The following BCAS1 variants were observed in gnomAD, a reference collection of about 807,000 sequenced individuals.
BCAS1 encodes brain enriched myelin associated protein 1.
Under a neutral mutation model 65.4 loss-of-function variants are expected in BCAS1, and 46 were observed. That is an observed-to-expected ratio of 0.70 (90% CI 0.55 to 0.90). The LOEUF (loss-of-function observed/expected upper bound fraction) is 0.90, where lower values mean the gene tolerates loss of function less well. Among genes scored for constraint, BCAS1 ranks in the 40% least tolerant of loss-of-function variants. The probability of loss-of-function intolerance (pLI) is 0.00; values close to 1 mark genes in which losing one functional copy is unlikely to be tolerated. For missense variants in BCAS1, 793 were observed against 771.2 expected (o/e 1.03, Z -0.33); for synonymous variants, 298 against 293.5 (o/e 1.02, Z -0.16).
chr20:54,024,148 G>T (rs759659699), intron 4 of BCAS1, among the ~76,000 whole-genome samples: 55 of 152,292 alleles, frequency 3.6e-4, no homozygotes, highest in Non-Finnish European at 6.3e-4. Flanking sequence ...GAAGTAGCTT[G>T]CCCAAGATCA....
chr20:54,028,702 C>G lies in BCAS1; in HGVS notation c.413G>C (p.Trp138Ser). Residue 138 changes from tryptophan to serine, a missense_variant, in exon 4 of 13, where the codon TGG becomes TCG. Physicochemically the swap from Trp to Ser is radical, Grantham distance 177. Transcript: ENST00000688948. ...CGGTCCAGCTGCCACCGGAAGTGTC[C>G]AGCTCTCACTTGGGTCTTTGTTCGC... is the stretch of plus-strand genomic sequence containing the variant. ...APANKDPSES[W>S]TLPVAAGPGQ... is the part of the protein sequence containing the mutation. 1 of 1,614,178 alleles carries G rather than the reference C, an allele frequency of 6.2e-7. No homozygotes were observed.
At chr20:53,977,620 A>T (rs2090367586) in intron 8 of BCAS1, among the ~76,000 whole-genome samples, 1 of 152,226 alleles carries the variant, frequency 6.6e-6, no homozygotes, top group Non-Finnish European at 1.5e-5. Context: ...CTTGGAGTAG[A>T]TTCCATCACC....
chr20:54,031,090 C>A lies in BCAS1; in HGVS notation c.143-2118G>T, dbSNP rs1007966644. ...AGGGCTTTTCAAAATGCCAAGAGCACCAACTTATATCTTTCAGTTTAATTC... is the reference window on the plus strand; with the variant it reads ...AGGGCTTTTCAAAATGCCAAGAGCAACAACTTATATCTTTCAGTTTAATTC... On this transcript the variant is annotated intron_variant, in intron 3 of 12. Coordinates refer to ENST00000688948, the MANE Select transcript of BCAS1 (RefSeq NM_001366298.2). Among the ~76,000 whole-genome samples the A allele has an allele frequency of 4.0e-5, 6 of 151,324 alleles. 1 individual carries two copies. The highest frequency in any genetic ancestry group is 7.4e-5 in the Non-Finnish European group (5 of 67,600).
At chr20:54,062,604 C>G (rs926078043) in intron 1 of BCAS1, among the ~76,000 whole-genome samples, 15 of 152,190 alleles carry the variant, frequency 9.9e-5, no homozygotes, top group Non-Finnish European at 1.6e-4. Flanking sequence ...AACAAAGCTA[C>G]TTTGAATCAA....
At chr20:53,967,895 G>A (rs1388629209) in intron 9 of BCAS1, among the ~76,000 whole-genome samples, 3 of 152,246 alleles carry the variant, frequency 2.0e-5, no homozygotes, top group African/African-American at 4.8e-5. Context: ...ACAGGACAGA[G>A]TGAATTGGCC....
chr20:54,019,646 T>C (rs1037614172), intron 4 of BCAS1, among the ~76,000 whole-genome samples: 1 of 152,104 alleles, frequency 6.6e-6, no homozygotes, highest in Non-Finnish European at 1.5e-5. Context: ...TCAATGTGGG[T>C]GGGCACCTTC....
chr20:53,987,805 G>C (rs1406935955), intron 7 of BCAS1, among the ~76,000 whole-genome samples: 1 of 152,162 alleles, frequency 6.6e-6, no homozygotes, highest in South Asian at 2.1e-4. Flanking sequence ...GGATGGTTGT[G>C]CTTTGATCTG....
intron 12 of BCAS1, among the ~76,000 whole-genome samples, chr20:53,949,574 G>A (rs1386790568): frequency 6.6e-6 from 1 of 152,212 alleles, no homozygotes; most frequent in Non-Finnish European, 1.5e-5. Flanking sequence ...AGGCAACCCT[G>A]GGGAATGTGT....
chr20:53,950,176 C>T (rs1296912213), intron 12 of BCAS1, among the ~76,000 whole-genome samples: 1 of 152,082 alleles, frequency 6.6e-6, no homozygotes, highest in Non-Finnish European at 1.5e-5. Context: ...GGTCCCCGCC[C>T]ACGGCTCCAA....
intron 8 of BCAS1, 125 bp downstream of exon 8, chr20:53,985,162 G>A (rs559642903): frequency 2.0e-5 from 18 of 905,764 alleles, no homozygotes; most frequent in Non-Finnish European, 2.9e-5. Flanking sequence ...ATGGGAAGCC[G>A]AGTCATTTTG....
chr20:54,070,104 C>T (rs1484799230), intron 1 of BCAS1, among the ~76,000 whole-genome samples: 1 of 152,224 alleles, frequency 6.6e-6, no homozygotes, highest in Non-Finnish European at 1.5e-5. Flanking sequence ...CAGCCTATCC[C>T]TCCATCCAGT....
intron 12 of BCAS1, among the ~76,000 whole-genome samples, chr20:53,947,913 A>G (rs977695124): frequency 6.6e-6 from 1 of 152,180 alleles, no homozygotes; most frequent in Admixed American, 6.5e-5. Flanking sequence ...GCATTGCTCT[A>G]AGGGCATTGT....
At chr20:54,043,636 CA>C (rs2092042207) in intron 3 of BCAS1, among the ~76,000 whole-genome samples, 2 of 152,200 alleles carry the variant, frequency 1.3e-5, no homozygotes, top group African/African-American at 4.8e-5. Flanking sequence ...CCAGTTCTTA[CA>C]TGGTCCTCAG....
Position 53,992,551 on chromosome 20 carries a change from G to A in BCAS1, c.1023C>T (p.Pro341=). Residue 341 remains proline (P), a synonymous_variant, in exon 7 of 13, where the codon CCC becomes CCT. Coordinates refer to ENST00000688948, the MANE Select transcript of BCAS1 (RefSeq NM_001366298.2). ...ATTTTCTAAAGGCGAGTCCTAGCCTGGGGCTATCCAGGTGCTTTTTCTTGG... is the reference window on the plus strand; with the variant it reads ...ATTTTCTAAAGGCGAGTCCTAGCCTAGGGCTATCCAGGTGCTTTTTCTTGG... ...RGTKKKHLDS[P]RLGLAFRKFF... is the part of the protein sequence containing the mutation. 7.3e-7 allele frequency: 1 copy of A among 1,364,852 alleles called. No individual in the cohort carries two copies. The highest frequency in any genetic ancestry group is 1.1e-5 in the South Asian group (1 of 87,910). The allele number at this position is 1,364,852 out of a possible 1,614,324, so 84.5% of individuals were successfully genotyped here.
At position 54,065,113 on chromosome 20, in the gene BCAS1, CATCTATCTATCT is replaced by C. The variant is rs5841974; in HGVS notation, c.-6+5308_-6+5319del. ...AACTTTATGATGAGTATCTATCTATCATCTATCTATCTATCTATCTATCTATCTATCTATCTA... is the reference window on the plus strand; with the variant it reads ...AACTTTATGATGAGTATCTATCTATCATCTATCTATCTATCTATCTATCTA... On this transcript the variant is annotated intron_variant, in intron 1 of 12. Coordinates refer to ENST00000688948, the MANE Select transcript of BCAS1 (RefSeq NM_001366298.2). Among the ~76,000 whole-genome samples the C allele has an allele frequency of 7.4e-3, 1,063 of 144,272 alleles. 26 individuals are homozygous for C. The highest frequency in any genetic ancestry group is 0.046 in the Admixed American group (668 of 14,410). The allele number at this position is 144,272 out of a possible 152,430, so 94.6% of individuals were successfully genotyped here.
chr20:53,985,518 T>A lies in BCAS1; in HGVS notation c.1063-19A>T. On this transcript the variant is annotated intron_variant, in intron 7 of 12. Transcript: ENST00000688948. ...CAGCACCCTAAAGAGTTAAAAAAAA[T>A]GGAGGGAAAACATTCAAAATGGTCT... The A allele has an allele frequency of 6.2e-7, 1 of 1,607,942 alleles. No individual in the cohort carries two copies. The highest frequency in any genetic ancestry group is 8.5e-7 in the Non-Finnish European group (1 of 1,175,836).
At chr20:54,051,614 C>T (rs1450494786) in intron 3 of BCAS1, among the ~76,000 whole-genome samples, 2 of 152,318 alleles carry the variant, frequency 1.3e-5, no homozygotes, top group African/African-American at 4.8e-5. Context: ...ACTGGTTGAG[C>T]AGAAGACACC....
chr20:54,004,305 A>G (rs1252539899), intron 4 of BCAS1, among the ~76,000 whole-genome samples: 7 of 152,204 alleles, frequency 4.6e-5, no homozygotes, highest in African/African-American at 7.2e-5. Context: ...CCATGCTGGC[A>G]TCTTGATTTC....
rs2089246198 is a variant in BCAS1, at chr20:53,944,526, C to G, written c.*396G>C. The G allele has an allele frequency of 5.0e-6, 1 of 201,736 alleles. No homozygotes were observed. The highest frequency in any genetic ancestry group is 2.3e-5 in the African/African-American group (1 of 43,180). The allele number at this position is 201,736 out of a possible 1,614,324, so 12.5% of individuals were successfully genotyped here. A position where few individuals can be genotyped will look rare whatever the true frequency, so the allele number is the denominator to read the frequency against. ...GTTTCATGATGTTGGCCAGGCTAGT[C>G]TTGAACTCCTGACCTCAGGTGATCC... is the stretch of plus-strand genomic sequence containing the variant. On this transcript the variant is annotated 3_prime_UTR_variant, in exon 13 of 13. Transcript: ENST00000688948.
Sources: gnomAD v4.1 joint callset for allele counts (sites outside exome capture counted in the v4.1 genomes callset) on GRCh38, gnomAD v4.1.1 for gene constraint, MANE v1.5 for transcripts, NCBI Gene and HGNC (gene_info 2026-07-23, HGNC 2026-07-21) for gene names.